The following DLG1 variants were observed in gnomAD, a reference collection of about 807,000 sequenced individuals.
DLG1 encodes the protein discs large MAGUK scaffold protein 1, also known as disks large homolog 1.
In DLG1, 42 loss-of-function variants were observed where a neutral mutation model predicts 123.4. The observed-to-expected ratio is 0.34, with a 90% CI of 0.27 to 0.44. The LOEUF (loss-of-function observed/expected upper bound fraction) is 0.44. DLG1 is among the 20% of genes least tolerant of loss of function. The probability of loss-of-function intolerance (pLI) is 1.00; values close to 1 mark genes in which losing one functional copy is unlikely to be tolerated. For synonymous variants in DLG1, 317 were observed against 356.2 expected, an observed-to-expected ratio of 0.89 and a Z score of 1.24; for missense variants, 942 against 1,082.6, an observed-to-expected ratio of 0.87 and a Z score of 1.82.
intron 4 of DLG1, among the ~76,000 whole-genome samples, chr3:197,235,319 A>G (rs1745389953): frequency 6.6e-6 from 1 of 152,250 alleles, no homozygotes; most frequent in Admixed American, 6.5e-5. Flanking sequence ...AAGGCTAAGC[A>G]GAAAAAGAGC....
At chr3:197,069,328 G>C (rs1741946948) in intron 18 of DLG1, 68 bp from the exon 19 acceptor site, 2 of 1,077,802 alleles carry the variant, frequency 1.9e-6, no homozygotes, top group Non-Finnish European at 2.7e-6. Flanking sequence ...TAATCAAAAT[G>C]AAATGTTGAG....
chr3:197,184,633 C>G (rs771897798), intron 5 of DLG1, among the ~76,000 whole-genome samples: 1 of 152,128 alleles, frequency 6.6e-6, no homozygotes. Context: ...GCTTCTGGAA[C>G]CTTTATGATA....
intron 4 of DLG1, among the ~76,000 whole-genome samples, chr3:197,281,878 G>A (rs1207623603): frequency 2.0e-5 from 3 of 152,176 alleles, no homozygotes; most frequent in Non-Finnish European, 4.4e-5. Context: ...AAACTGAGAA[G>A]CCATCTAACT....
At position 197,137,773 on chromosome 3, in the gene DLG1, C is replaced by T. The variant is rs115511448; in HGVS notation, c.883+449G>A. Among the ~76,000 whole-genome samples the T allele has an allele frequency of 5.2e-3, 793 of 151,948 alleles. 6 individuals are homozygous for T. Among genetic ancestry groups the T allele is most frequent in the African/African-American group, 0.017 (704 of 41,434 alleles). ...CTGCTTGAGCCCAGGAGTTTGAGAC[C>T]AGCCTAGGCAATGCAGGGAGGCCTC... On this transcript the variant is annotated intron_variant, in intron 9 of 24. Transcript: ENST00000667157.
intron 13 of DLG1, among the ~76,000 whole-genome samples, chr3:197,106,588 A>G (rs1471495196): frequency 6.6e-6 from 1 of 152,214 alleles, no homozygotes; most frequent in South Asian, 2.1e-4. Flanking sequence ...CTGGGAGAAC[A>G]TATCAGGCAA....
intron 4 of DLG1, among the ~76,000 whole-genome samples, chr3:197,240,764 T>C (rs116784111): frequency 0.048 from 5,616 of 116,062 alleles, 164 homozygotes; most frequent in South Asian, 0.085. Context: ...AACTGAGAAA[T>C]ACACTTGCTG....
intron 7 of DLG1, among the ~76,000 whole-genome samples, chr3:197,140,622 C>T (rs1787472153): frequency 6.6e-6 from 1 of 152,034 alleles, no homozygotes; most frequent in African/African-American, 2.4e-5. Flanking sequence ...TGGTAGGGCA[C>T]ATCTCTCCTA....
At chr3:197,273,188 A>ATGTGTGTGTGTGTGTG (rs34778202) in intron 4 of DLG1, among the ~76,000 whole-genome samples, 20 of 147,958 alleles carry the variant, frequency 1.4e-4, no homozygotes, top group African/African-American at 2.8e-4. Flanking sequence ...CACTGAATAT[A>ATGTGTGTGTGTGTGTG]TGTGTGTGTG....
intron 22 of DLG1, among the ~76,000 whole-genome samples, chr3:197,063,227 G>A (rs1273792859): frequency 6.7e-6 from 1 of 149,974 alleles, no homozygotes; most frequent in East Asian, 1.9e-4. Context: ...GGTTTATTTA[G>A]TTTCTACTTA....
At position 197,229,115 on chromosome 3, in the gene DLG1, A is replaced by AACAACACACTGGACAGCTTTCC. The variant is rs1741497648; in HGVS notation, c.319-34548_319-34527dup. 3.9e-5 allele frequency among the ~76,000 whole-genome samples: 6 copies of AACAACACACTGGACAGCTTTCC among 152,314 alleles called. No individual in the cohort carries two copies. In the South Asian group the frequency reaches 1.2e-3, roughly 32 times the overall value. On this transcript the variant is annotated intron_variant, in intron 4 of 24. Coordinates refer to ENST00000667157, the MANE Select transcript of DLG1 (RefSeq NM_001366207.1). ...CCAGGGATGCTACTAAACATTTTAT[A>AACAACACACTGGACAGCTTTCC]ACAACACACTGGACAGCTTTCCACA...
intron 4 of DLG1, among the ~76,000 whole-genome samples, chr3:197,274,465 G>T (rs1211644056): frequency 6.6e-6 from 1 of 151,954 alleles, no homozygotes; most frequent in Non-Finnish European, 1.5e-5. Context: ...ATAGATTAAA[G>T]ACTTAAATCT....
chr3:197,043,059 A>G lies in DLG1; in HGVS notation c.*1564T>C, dbSNP rs1349359780. On this transcript the variant is annotated 3_prime_UTR_variant, in exon 25 of 25. Coordinates refer to ENST00000667157, the MANE Select transcript of DLG1 (RefSeq NM_001366207.1). The stretch of plus-strand genomic sequence containing the variant: ...AGGTTGTCAAAAACACATATTTAAT[A>G]AACAACTCCAAAGAGCAATGGGAAG... 1.3e-5 allele frequency: 2 copies of G among 152,234 alleles called. No individual in the cohort carries two copies. Among genetic ancestry groups the G allele is most frequent in the Non-Finnish European group, 2.9e-5 (2 of 68,044 alleles). 9.4% of individuals were successfully genotyped at this position (152,234 alleles called of 1,614,324 possible).
rs191083918 is a variant in DLG1 at position 197,093,195 on chromosome 3, T to C, written c.1547-2169A>G. 1.4e-3 allele frequency among the ~76,000 whole-genome samples: 216 copies of C among 152,166 alleles called. 2 individuals carry two copies. The highest frequency in any genetic ancestry group is 4.9e-3 in the African/African-American group (202 of 41,536). ...TGTTTTTTCAGACGGAGTTTCACTC[T>C]GTCACCAGGCTGGAGTGCAGTGGCG... On this transcript the variant is annotated intron_variant, in intron 14 of 24. Coordinates refer to ENST00000667157, the MANE Select transcript of DLG1 (RefSeq NM_001366207.1).
At chr3:197,281,376 G>C (rs1769299463) in intron 4 of DLG1, among the ~76,000 whole-genome samples, 1 of 152,066 alleles carries the variant, frequency 6.6e-6, no homozygotes, top group Non-Finnish European at 1.5e-5. Context: ...ATCCCATGAA[G>C]GATGGAGGAG....
chr3:197,168,762 T>C (rs1048520935), intron 5 of DLG1, among the ~76,000 whole-genome samples: 7 of 152,198 alleles, frequency 4.6e-5, no homozygotes, highest in Non-Finnish European at 1.5e-5. Flanking sequence ...AGTTTTTCTG[T>C]TGTTGTTTTA....
intron 4 of DLG1, among the ~76,000 whole-genome samples, chr3:197,258,384 G>A (rs1395478806): frequency 2.6e-5 from 3 of 116,444 alleles, no homozygotes; most frequent in East Asian, 3.0e-4. Flanking sequence ...ATTTGCAAAC[G>A]TTTTAAAGTC....
chr3:197,161,190 AGT>A (rs1283431095), intron 5 of DLG1, among the ~76,000 whole-genome samples: 1 of 152,214 alleles, frequency 6.6e-6, no homozygotes, highest in African/African-American at 2.4e-5. Context: ...ATAAATGTGA[AGT>A]GTGTTATCTA....
intron 4 of DLG1, among the ~76,000 whole-genome samples, chr3:197,273,188 A>ATGTGTGTG (rs34778202): frequency 0.017 from 2,524 of 147,758 alleles, 24 homozygotes; most frequent in Middle Eastern, 0.034. Flanking sequence ...CACTGAATAT[A>ATGTGTGTG]TGTGTGTGTG....
intron 4 of DLG1, among the ~76,000 whole-genome samples, chr3:197,261,896 A>G (rs1379688409): frequency 6.6e-6 from 1 of 152,208 alleles, no homozygotes; most frequent in Non-Finnish European, 1.5e-5. Context: ...TACACAGGGC[A>G]CTTAGAATAA....
Sources: gnomAD v4.1 joint callset for allele counts (sites outside exome capture counted in the v4.1 genomes callset) on GRCh38, gnomAD v4.1.1 for gene constraint, MANE v1.5 for transcripts, NCBI Gene and HGNC (gene_info 2026-07-23, HGNC 2026-07-21) for gene names.